The following NEDD4L variants were observed in gnomAD, a reference collection of about 807,000 sequenced individuals.
The protein encoded by NEDD4L is NEDD4 like E3 ubiquitin protein ligase, also known as E3 ubiquitin-protein ligase NEDD4-like.
A neutral mutation model predicts 148.9 loss-of-function variants in NEDD4L; 54 were observed. The observed-to-expected ratio is 0.36, with a 90% confidence interval of 0.29 to 0.45. The LOEUF (loss-of-function observed/expected upper bound fraction) is 0.45, where lower values mean the gene tolerates loss of function less well. Among genes scored for constraint, NEDD4L ranks in the 20% least tolerant of loss-of-function variants. The pLI is 1.00. For synonymous variants in NEDD4L, 433 were observed against 440.7 expected, an observed-to-expected ratio of 0.98 and a Z score of 0.22; for missense variants, 856 against 1,233.8, an observed-to-expected ratio of 0.69 and a Z score of 4.59.
chr18:58,346,850 C>T (rs566881189), intron 16 of NEDD4L, among the ~76,000 whole-genome samples: 50 of 152,156 alleles, frequency 3.3e-4, no homozygotes, highest in African/African-American at 1.1e-3. Context: ...TTCTCATCAG[C>T]TCTGAAGTTG....
At chr18:58,394,937 G>A (rs563577994) in intron 30 of NEDD4L, among the ~76,000 whole-genome samples, 6 of 152,306 alleles carry the variant, frequency 3.9e-5, no homozygotes, top group African/African-American at 9.6e-5. Flanking sequence ...GAGCACTCGC[G>A]GCAGAGGCAG....
chr18:58,353,119 G>T (rs1435565216), intron 18 of NEDD4L, among the ~76,000 whole-genome samples: 3 of 152,188 alleles, frequency 2.0e-5, no homozygotes, highest in Non-Finnish European at 4.4e-5. Context: ...GGAGCAGTAG[G>T]TGCCCCCACT....
intron 18 of NEDD4L, among the ~76,000 whole-genome samples, chr18:58,356,050 T>C (rs1471943702): frequency 1.3e-5 from 2 of 152,028 alleles, no homozygotes; most frequent in African/African-American, 4.8e-5. Flanking sequence ...TCCCCTGGGC[T>C]CAAGCGATCT....
At chr18:58,131,831 A>G (rs1289122394) in intron 1 of NEDD4L, among the ~76,000 whole-genome samples, 2 of 152,130 alleles carry the variant, frequency 1.3e-5, no homozygotes, top group African/African-American at 4.8e-5. Flanking sequence ...GCTTCTTGGA[A>G]TCTTGCGTTG....
intron 27 of NEDD4L, chr18:58,388,871 G>T: frequency 1.7e-6 from 1 of 578,290 alleles, no homozygotes; most frequent in Non-Finnish European, 3.1e-6. Context: ...CTTGCGCAAG[G>T]TTCGAATTGA....
At position 58,044,471 on chromosome 18, in the gene NEDD4L, C is replaced by A. The variant is rs546323197; in HGVS notation, c.-190C>A. On this transcript the variant is annotated 5_prime_UTR_variant, in exon 1 of 31. Transcript: ENST00000400345. ...GGTCCCGCAGCCTTCCGGGAGGAAG[C>A]GGTGCCGGCAGCGTCCAGGGCGCGC... 232 of 628,174 alleles carry A rather than the reference C, an allele frequency of 3.7e-4. No homozygotes were observed. The African/African-American group carries it at 4.3e-3, about 12-fold the overall frequency. The allele number at this position is 628,174 out of a possible 1,614,324, so 38.9% of individuals were successfully genotyped here.
intron 5 of NEDD4L, among the ~76,000 whole-genome samples, chr18:58,268,663 G>A (rs1192687214): frequency 6.6e-6 from 1 of 152,074 alleles, no homozygotes; most frequent in Non-Finnish European, 1.5e-5. Context: ...TGATGAAATA[G>A]ACACTCCTTT....
At position 58,264,281 on chromosome 18, in the gene NEDD4L, G is replaced by A. The variant is rs375754917; in HGVS notation, c.297+12227G>A. On this transcript the variant is annotated intron_variant, in intron 5 of 30. Coordinates refer to ENST00000400345, the MANE Select transcript of NEDD4L (RefSeq NM_001144967.3). ...CACAGCAATGCTAAGGACACAGTGT[G>A]CCTCCGGCCTGCTTGCACCCTCGGT... Among the ~76,000 whole-genome samples, 176 of 152,210 alleles carry A rather than the reference G, an allele frequency of 1.2e-3. No individual in the cohort carries two copies. The South Asian group carries it at 0.013, about 11-fold the overall frequency.
intron 2 of NEDD4L, among the ~76,000 whole-genome samples, chr18:58,217,882 T>G (rs530069203): frequency 1.3e-5 from 2 of 152,332 alleles, no homozygotes; most frequent in South Asian, 4.1e-4. Context: ...TTAAACTATT[T>G]TATGGTAAGC....
chr18:58,152,441 T>C (rs1826548032), intron 1 of NEDD4L, among the ~76,000 whole-genome samples: 1 of 152,174 alleles, frequency 6.6e-6, no homozygotes, highest in Non-Finnish European at 1.5e-5. Context: ...ATTTGGAAAT[T>C]TTGTTTGCCC....
intron 1 of NEDD4L, among the ~76,000 whole-genome samples, chr18:58,067,611 G>T (rs1484146874): frequency 6.6e-6 from 1 of 152,210 alleles, no homozygotes; most frequent in Non-Finnish European, 1.5e-5. Context: ...ATGGAAGTGT[G>T]AGCTAGGAAG....
intron 2 of NEDD4L, among the ~76,000 whole-genome samples, chr18:58,204,651 G>C (rs1234626380): frequency 1.3e-5 from 2 of 152,166 alleles, no homozygotes; most frequent in African/African-American, 4.8e-5. Flanking sequence ...ATGTTAACTG[G>C]TGACAGGTCA....
At chr18:58,304,190 T>C (rs779488750) in intron 5 of NEDD4L, among the ~76,000 whole-genome samples, 3 of 152,156 alleles carry the variant, frequency 2.0e-5, no homozygotes, top group Non-Finnish European at 2.9e-5. Flanking sequence ...GCTCCAAATG[T>C]TAATGATGCT....
chr18:58,250,026 G>A (rs1229058815), intron 4 of NEDD4L, among the ~76,000 whole-genome samples: 1 of 152,234 alleles, frequency 6.6e-6, no homozygotes, highest in African/African-American at 2.4e-5. Flanking sequence ...TCCTTTCAGT[G>A]GAACACTGGC....
In NEDD4L at chr18:58,256,397, G is replaced by C; in HGVS notation, c.297+4343G>C. ...CCAGTTGCAGCAGCCCCAACAAGGC[G>C]CTTCGGGGCCAGGCAGCGACCTCAA... is the stretch of plus-strand genomic sequence containing the variant. On this transcript the variant is annotated intron_variant, in intron 5 of 30. Transcript: ENST00000400345. This position sits in a 1 kb window ranked among gnomAD's most constrained non-coding sequence, Gnocchi z 5.2. The C allele has an allele frequency of 8.1e-7, 1 of 1,232,344 alleles. No individual in the cohort carries two copies. 76.3% of individuals were successfully genotyped at this position (1,232,344 alleles called of 1,614,324 possible).
At chr18:58,327,774 A>AT (rs2059434292) in intron 9 of NEDD4L, among the ~76,000 whole-genome samples, 2 of 152,108 alleles carry the variant, frequency 1.3e-5, no homozygotes, top group Non-Finnish European at 2.9e-5. Context: ...AACTTTTGAG[A>AT]TACTGACTTG....
intron 2 of NEDD4L, among the ~76,000 whole-genome samples, chr18:58,224,509 C>T (rs1180886605): frequency 6.6e-6 from 1 of 152,180 alleles, no homozygotes; most frequent in African/African-American, 2.4e-5. Flanking sequence ...CACTTTTTCT[C>T]TCTTGCCCTG....
In NEDD4L at chr18:58,186,079, G is replaced by A. The variant is rs375023703; in HGVS notation, c.122+20218G>A. ...CACAGAGAAGGATACATATGCACAC[G>A]CACACAGAGAAGGATACGTATGCAC... On this transcript the variant is annotated intron_variant, in intron 2 of 30. Coordinates refer to ENST00000400345, the MANE Select transcript of NEDD4L (RefSeq NM_001144967.3). Among the ~76,000 whole-genome samples, 18 of 151,884 alleles carry A rather than the reference G, an allele frequency of 1.2e-4. No homozygotes were observed. The East Asian group carries it at 2.9e-3, about 25-fold the overall frequency.
chr18:58,384,272 C>T (rs1235716911), intron 25 of NEDD4L, among the ~76,000 whole-genome samples: 1 of 152,224 alleles, frequency 6.6e-6, no homozygotes, highest in African/African-American at 2.4e-5. Flanking sequence ...AGTCTCTACT[C>T]AGAGATCCTG....
Sources: gnomAD v4.1 joint callset for allele counts (sites outside exome capture counted in the v4.1 genomes callset) on GRCh38, gnomAD v4.1.1 for gene constraint, Gnocchi (gnomAD v3.1) non-coding constraint, MANE v1.5 for transcripts, NCBI Gene and HGNC (gene_info 2026-07-23, HGNC 2026-07-21) for gene names.